TDP1: variants seen among roughly 807,000 people sequenced by gnomAD.
The protein encoded by TDP1 is tyr-DNA phosphodiesterase 1.
TDP1 carries 64 observed loss-of-function variants against 81.5 expected under a neutral mutation model. The observed-to-expected ratio is 0.79, with a 90% confidence interval of 0.64 to 0.97. TDP1 has a LOEUF of 0.97. TDP1 is among the 50% of genes least tolerant of loss of function. The pLI, the probability that TDP1 is intolerant of heterozygous loss-of-function variation, is 0.00. For synonymous variants in TDP1, 256 were observed against 264.3 expected (o/e 0.97, Z 0.30); for missense variants, 723 against 743.8 (o/e 0.97, Z 0.33).
At chr14:90,008,492 T>C (rs1322229094) in intron 14 of TDP1, among the ~76,000 whole-genome samples, 1 of 152,240 alleles carries the variant, frequency 6.6e-6, no homozygotes, top group African/African-American at 2.4e-5. Flanking sequence ...TACCACCTAG[T>C]ACCTGTTGAA....
chr14:90,017,122 T>C (rs1885404800), intron 14 of TDP1, among the ~76,000 whole-genome samples: 1 of 152,106 alleles, frequency 6.6e-6, no homozygotes, highest in African/African-American at 2.4e-5. Flanking sequence ...AAGCTAGAAC[T>C]CTTTGGAGTT....
chr14:89,968,219 A>G (rs1365700703), intron 5 of TDP1, among the ~76,000 whole-genome samples: 1 of 151,952 alleles, frequency 6.6e-6, no homozygotes. Context: ...ATGTAAAAGA[A>G]TATTCAAAAT....
At chr14:90,024,063 A>G (rs1364588011) in intron 15 of TDP1, among the ~76,000 whole-genome samples, 1 of 152,072 alleles carries the variant, frequency 6.6e-6, no homozygotes, top group East Asian at 1.9e-4. Flanking sequence ...GGCCACATCT[A>G]TGCTACTCCT....
upstream of TDP1, chr14:89,954,995 C>G (rs1891434137): frequency 2.5e-6 from 1 of 394,120 alleles, no homozygotes; most frequent in South Asian, 3.8e-5. Flanking sequence ...GGTTCAATGC[C>G]TGGTTCATGA....
At position 89,993,494 on chromosome 14, in the gene TDP1, C is replaced by G. The variant is rs1176989607; in HGVS notation, c.1541+11C>G. On this transcript the variant is annotated intron_variant, in intron 14 of 16. Coordinates refer to ENST00000335725, the MANE Select transcript of TDP1 (RefSeq NM_018319.4). ...GTTCCTTGTCACAAGGTAAATAGTC[C>G]TTACATTCCTGATGGGAGAAATCTT... 2 of 1,611,112 alleles carry G rather than the reference C, an allele frequency of 1.2e-6. No homozygotes were observed. Among genetic ancestry groups the G allele is most frequent in the East Asian group, 4.5e-5 (2 of 44,840 alleles).
chr14:89,999,088 A>G (rs1896973842), intron 14 of TDP1, among the ~76,000 whole-genome samples: 1 of 152,186 alleles, frequency 6.6e-6, no homozygotes, highest in African/African-American at 2.4e-5. Context: ...TCAACAGGGC[A>G]CTATTGTTAT....
At chr14:89,957,959 T>G (rs1029918400) in intron 2 of TDP1, among the ~76,000 whole-genome samples, 1 of 152,142 alleles carries the variant, frequency 6.6e-6, no homozygotes, top group Non-Finnish European at 1.5e-5. Context: ...CCAGATCCCG[T>G]GGCCACTATG....
intron 14 of TDP1, among the ~76,000 whole-genome samples, chr14:90,000,701 C>T (rs966118130): frequency 4.6e-5 from 7 of 152,152 alleles, no homozygotes; most frequent in Non-Finnish European, 8.8e-5. Flanking sequence ...TATTTCTTTC[C>T]TGGTTCGATT....
intron 13 of TDP1, chr14:89,992,899 T>C (rs1302091753): frequency 7.1e-6 from 7 of 983,350 alleles, no homozygotes; most frequent in Non-Finnish European, 8.5e-6. Context: ...AGCATTTGAC[T>C]AAAGTATTTC....
At chr14:89,966,425 A>T (rs1336496109) in intron 4 of TDP1, among the ~76,000 whole-genome samples, 1 of 152,222 alleles carries the variant, frequency 6.6e-6, no homozygotes, top group African/African-American at 2.4e-5. Flanking sequence ...TCCGCTGGCC[A>T]AGAAGTCACT....
At chr14:89,969,880 T>C (rs34001514) in intron 5 of TDP1, among the ~76,000 whole-genome samples, 10 of 137,042 alleles carry the variant, frequency 7.3e-5, no homozygotes, top group African/African-American at 3.2e-4. Flanking sequence ...TTATTTCTTT[T>C]TTTTTTTTTT....
At chr14:90,043,010 G>T in intron 16 of TDP1, 60 bp from the exon 17 acceptor site, 1 of 1,613,316 alleles carries the variant, frequency 6.2e-7, no homozygotes, top group Non-Finnish European at 8.5e-7. Flanking sequence ...ATGCCATCAG[G>T]TGAGTGCATT....
In TDP1 at chr14:90,044,118, T is replaced by C. The variant is rs1888609654; in HGVS notation, c.*975T>C. 6.6e-6 allele frequency: 1 copy of C among 152,334 alleles called. No homozygotes were observed. The highest frequency in any genetic ancestry group is 2.4e-5 in the African/African-American group (1 of 41,454). 9.4% of individuals were successfully genotyped at this position (152,334 alleles called of 1,614,324 possible). ...CCTGGCACCCTGCTGGCTGCCTCACTGCTTACAGACAGGTCCCACCAAACC... is the reference window on the plus strand; with the variant it reads ...CCTGGCACCCTGCTGGCTGCCTCACCGCTTACAGACAGGTCCCACCAAACC... On this transcript the variant is annotated 3_prime_UTR_variant, in exon 17 of 17. Transcript: ENST00000335725.
At position 89,994,144 on chromosome 14, in the gene TDP1, T is replaced by C. The variant is rs73326464; in HGVS notation, c.1541+661T>C. Among the ~76,000 whole-genome samples, 909 of 152,354 alleles carry C rather than the reference T, an allele frequency of 6.0e-3. 6 individuals are homozygous for C. Among genetic ancestry groups the C allele is most frequent in the African/African-American group, 0.021 (872 of 41,578 alleles). ...TGAACCCAACGATTAGGCATCTCTT[T>C]ATGATTCAGTAACATAATTAATGTC... On this transcript the variant is annotated intron_variant, in intron 14 of 16. Coordinates refer to ENST00000335725, the MANE Select transcript of TDP1 (RefSeq NM_018319.4).
At chr14:89,997,938 CT>C (rs67169479) in intron 14 of TDP1, among the ~76,000 whole-genome samples, 23,375 of 152,086 alleles carry the variant, frequency 0.15, 3,927 homozygotes, top group African/African-American at 0.42. Context: ...AACATCTTGA[CT>C]TTTATGTTCT....
chr14:89,991,742 A>C, intron 12 of TDP1, 175 bp from the exon 13 acceptor site: 1 of 817,124 alleles, frequency 1.2e-6, no homozygotes, highest in Non-Finnish European at 1.5e-6. Context: ...TCGTTAAGAG[A>C]ACATATCTAG....
chr14:89,966,114 AGT>A (rs760090768), intron 3 of TDP1, 31 bp from the exon 4 acceptor site: 2 of 1,458,810 alleles, frequency 1.4e-6, no homozygotes, highest in Admixed American at 3.3e-5. Flanking sequence ...GATTTTTGTG[AGT>A]GTGAATTTGA....
At chr14:89,978,934 T>C (rs953846660) in intron 7 of TDP1, among the ~76,000 whole-genome samples, 1 of 151,516 alleles carries the variant, frequency 6.6e-6, no homozygotes, top group African/African-American at 2.5e-5. Flanking sequence ...GAGCTAAATA[T>C]CTCATTCTCT....
At chr14:90,033,483 A>G (rs552418727) in intron 16 of TDP1, 22 of 472,896 alleles carry the variant, frequency 4.7e-5, no homozygotes, top group East Asian at 3.5e-4. Context: ...TGAAAATATC[A>G]TAAGTCAAAA....
Sources: allele counts gnomAD v4.1 joint callset (sites outside exome capture counted in the v4.1 genomes callset), GRCh38; gene constraint gnomAD v4.1.1; transcripts MANE v1.5; gene names NCBI Gene and HGNC (gene_info 2026-07-23, HGNC 2026-07-21).